SPMIP4: variants seen among roughly 807,000 people sequenced by gnomAD.
The protein encoded by SPMIP4 is sperm microtubule inner protein 4.
the SPMIP4 span, chr7:25,142,331 A>G: frequency 3.2e-5 from 51 of 1,584,796 alleles, no homozygotes; most frequent in Non-Finnish European, 4.2e-5. Flanking sequence ...TGGGCCCCAG[A>G]CCTTAATGGA....
the SPMIP4 span, chr7:25,179,213 G>A: frequency 6.2e-7 from 1 of 1,612,922 alleles, no homozygotes; most frequent in Non-Finnish European, 8.5e-7. Flanking sequence ...CCGTCTGGAG[G>A]GGGTTGTGCA....
chr7:25,139,830 C>T, the SPMIP4 span, among the ~76,000 whole-genome samples: 10 of 152,316 alleles, frequency 6.6e-5, no homozygotes, highest in Admixed American at 1.3e-4. Context: ...TAAAATATTT[C>T]ATACACATTT....
the SPMIP4 span, among the ~76,000 whole-genome samples, chr7:25,156,468 G>T: frequency 6.6e-6 from 1 of 152,078 alleles, no homozygotes; most frequent in Non-Finnish European, 1.5e-5. Flanking sequence ...TCACTTTGTC[G>T]TTTTTTAAAA....
the SPMIP4 span, among the ~76,000 whole-genome samples, chr7:25,168,729 C>CA: frequency 1.8e-4 from 25 of 142,046 alleles, no homozygotes; most frequent in Non-Finnish European, 3.0e-5. Flanking sequence ...TTTTCATTTT[C>CA]GTTTTTTTTT....
the SPMIP4 span, among the ~76,000 whole-genome samples, chr7:25,143,138 G>A: frequency 1.3e-5 from 2 of 152,150 alleles, no homozygotes; most frequent in African/African-American, 4.8e-5. Flanking sequence ...GGGCTCTAAG[G>A]TGGTCTTTTG....
chr7:25,152,026 G>A, the SPMIP4 span, among the ~76,000 whole-genome samples: 1 of 152,048 alleles, frequency 6.6e-6, no homozygotes, highest in Non-Finnish European at 1.5e-5. Flanking sequence ...GCAGCATGTG[G>A]GCCACACAGA....
the SPMIP4 span, chr7:25,125,809 G>T: frequency 1.6e-6 from 1 of 608,592 alleles, no homozygotes; most frequent in Non-Finnish European, 2.1e-6. Context: ...ATCCTAGAGG[G>T]ACAGCCTGGA....
chr7:25,180,311 G>C, the SPMIP4 span: 1 of 152,400 alleles, frequency 6.6e-6, no homozygotes, highest in Non-Finnish European at 1.5e-5. Context: ...GGAACCGAGA[G>C]TGAACGGAGT....
At chr7:25,169,402 C>T in the SPMIP4 span, among the ~76,000 whole-genome samples, 5 of 152,104 alleles carry the variant, frequency 3.3e-5, no homozygotes, top group South Asian at 2.1e-4. Flanking sequence ...CTCTTTCCCT[C>T]GGCAACTATT....
chr7:25,152,616 A>G, the SPMIP4 span, among the ~76,000 whole-genome samples: 15 of 152,204 alleles, frequency 9.9e-5, no homozygotes, highest in Admixed American at 7.9e-4. Context: ...AACTCAGGCA[A>G]TCTGATTCTA....
chr7:25,168,431 T>G, the SPMIP4 span: 5 of 1,604,934 alleles, frequency 3.1e-6, no homozygotes, highest in Admixed American at 3.5e-5. Flanking sequence ...CAAGGAAGCC[T>G]ACATTGTTGA....
At chr7:25,131,564 C>G in the SPMIP4 span, among the ~76,000 whole-genome samples, 1 of 152,142 alleles carries the variant, frequency 6.6e-6, no homozygotes, top group African/African-American at 2.4e-5. The surrounding 1 kb of genome is among the most constrained non-coding windows in gnomAD (Gnocchi z 4.2). Context: ...ATTATTGTTA[C>G]GGTGGGGGAG....
chr7:25,126,462 C>T, the SPMIP4 span, among the ~76,000 whole-genome samples: 1 of 152,110 alleles, frequency 6.6e-6, no homozygotes, highest in Non-Finnish European at 1.5e-5. Context: ...CAGGTGTGAG[C>T]CACCACGCCC....
chr7:25,134,259 T>TAAACAA, the SPMIP4 span, among the ~76,000 whole-genome samples: 3 of 144,084 alleles, frequency 2.1e-5, no homozygotes, highest in East Asian at 2.1e-4. Flanking sequence ...GACTCTGACT[T>TAAACAA]AAACAAAAAC....
the SPMIP4 span, among the ~76,000 whole-genome samples, chr7:25,126,685 C>A: frequency 2.6e-5 from 4 of 152,150 alleles, no homozygotes; most frequent in African/African-American, 9.7e-5. Flanking sequence ...TTAGGTTAAT[C>A]TCTAAGTCTT....
the SPMIP4 span, among the ~76,000 whole-genome samples, chr7:25,173,474 C>T: frequency 7.3e-4 from 111 of 152,292 alleles, 1 homozygote; most frequent in African/African-American, 2.6e-3. The surrounding 1 kb of genome is among the most constrained non-coding windows in gnomAD (Gnocchi z 4.4). Context: ...GGACAGAGAC[C>T]GTAAAGCCTA....
At chr7:25,130,605 C>T in the SPMIP4 span, among the ~76,000 whole-genome samples, 5 of 152,154 alleles carry the variant, frequency 3.3e-5, no homozygotes, top group South Asian at 2.1e-4. Flanking sequence ...TGAGCCACCG[C>T]GCCCAGCCAG....
At chr7:25,165,818 G>T in the SPMIP4 span, among the ~76,000 whole-genome samples, 9 of 152,222 alleles carry the variant, frequency 5.9e-5, no homozygotes, top group Non-Finnish European at 1.2e-4. Flanking sequence ...GAATAGAAAA[G>T]CATGCTATTG....
At chr7:25,127,905 A>G in the SPMIP4 span, among the ~76,000 whole-genome samples, 2 of 152,238 alleles carry the variant, frequency 1.3e-5, no homozygotes, top group South Asian at 2.1e-4. Flanking sequence ...CACTGCAGCT[A>G]TATCTGCATT....
Sources: allele counts gnomAD v4.1 joint callset (sites outside exome capture counted in the v4.1 genomes callset), GRCh38; gene constraint gnomAD v4.1.1; non-coding constraint Gnocchi (gnomAD v3.1); transcripts MANE v1.5; gene names NCBI Gene and HGNC (gene_info 2026-07-23, HGNC 2026-07-21).